PTPN23: variants seen among roughly 807,000 people sequenced by gnomAD.
The protein encoded by PTPN23 is protein tyrosine phosphatase non-receptor type 23.
A neutral mutation model predicts 156.3 loss-of-function variants in PTPN23; 72 were observed. That is an observed-to-expected ratio of 0.46 (90% CI 0.38 to 0.56). PTPN23 has a LOEUF of 0.56. PTPN23 is among the 20% of genes least tolerant of loss of function. The pLI is 0.00. For synonymous variants in PTPN23, 957 were observed against 899.6 expected (o/e 1.06, Z -1.14); for missense variants, 1,974 against 2,171.5 (o/e 0.91, Z 1.81).
rs2107723847 is a variant in PTPN23 at position 47,410,836 on chromosome 3, C to T, written c.3038C>T (p.Pro1013Leu). The T allele has an allele frequency of 1.2e-6, 2 of 1,603,718 alleles. No individual in the cohort carries two copies. The highest frequency in any genetic ancestry group is 1.7e-6 in the Non-Finnish European group (2 of 1,172,208). Residue 1013 changes from proline to leucine, a missense_variant, in exon 20 of 25, where the codon CCC (proline) becomes CTC (leucine). Transcript: ENST00000265562. ...QPGVLGQPPPPLHTQLYPGPA... is the reference protein window; with the variant it reads ...QPGVLGQPPPLLHTQLYPGPA... ...GGGGTCCTGGGGCAGCCGCCACCCC[C>T]CCTACACACCCAGCTCTACCCAGGT...
In PTPN23 at chr3:47,408,978, C is replaced by T; in HGVS notation, c.1533C>T (p.Thr511=). 1 of 1,614,174 alleles carries T rather than the reference C, an allele frequency of 6.2e-7. No homozygotes were observed. The highest frequency in any genetic ancestry group is 1.1e-5 in the South Asian group (1 of 91,092). ...AAGTCCATGAGAAGGCCTCCTTCACCAACAGTGAGCTGCACCGTGCCATGA... is the reference window on the plus strand; with the variant it reads ...AAGTCCATGAGAAGGCCTCCTTCACTAACAGTGAGCTGCACCGTGCCATGA... The part of the protein sequence containing the change: ...YMEVHEKASF[T]NSELHRAMNL... The change falls in exon 16 of 25, where the codon ACC becomes ACT. Residue 511 remains threonine (T), a synonymous_variant. Transcript: ENST00000265562.
At chr3:47,389,043 A>T (rs1323539418) in intron 1 of PTPN23, among the ~76,000 whole-genome samples, 1 of 150,338 alleles carries the variant, frequency 6.7e-6, no homozygotes, top group Non-Finnish European at 1.5e-5. Flanking sequence ...CCCCCACCCC[A>T]CTCCCACTAC....
rs1480279673 is a variant in PTPN23 at position 47,412,433 on chromosome 3, G to C, written c.4317+12G>C. 1.2e-6 allele frequency: 2 copies of C among 1,612,540 alleles called. No homozygotes were observed. Among genetic ancestry groups the C allele is most frequent in the Non-Finnish European group, 8.5e-7 (1 of 1,179,602 alleles). On this transcript the variant is annotated intron_variant, in intron 23 of 24. Coordinates refer to ENST00000265562, the MANE Select transcript of PTPN23 (RefSeq NM_015466.4). ...TGCTGCAGGAGAAGGTGAGGATCTG[G>C]GCAGATGGGGCTGGGATGGGCCTTC... is the stretch of plus-strand genomic sequence containing the variant.
chr3:47,383,136 G>T (rs1474592869), intron 1 of PTPN23, among the ~76,000 whole-genome samples: 1 of 152,132 alleles, frequency 6.6e-6, no homozygotes, highest in African/African-American at 2.4e-5. Context: ...CCCACTGTGT[G>T]CTTCATCTAC....
rs1705288912 is a variant in PTPN23 at position 47,411,501 on chromosome 3, G to A, written c.3703G>A (p.Val1235Met). Reference protein sequence around the residue: ...DVMPYDSNRVVLRSGKDDYIN... With the variant: ...DVMPYDSNRVMLRSGKDDYIN... ...CATGCCCTATGACAGTAACCGTGTG[G>A]TGCTGCGCTCAGGCAAGGATGACTA... Residue 1235 changes from valine (V) to methionine (M), a missense_variant, in exon 20 of 25, where the codon GTG (valine) becomes ATG (methionine). Physicochemically the swap from Val to Met is conservative, Grantham distance 21 (BLOSUM62 1). This residue lies in a region of PTPN23 where 33 missense variants were observed against 56.9 expected (regional missense o/e 0.58). Transcript: ENST00000265562. This position sits in a 1 kb window ranked among gnomAD's most constrained non-coding sequence, Gnocchi z 6.3. 6.2e-7 allele frequency: 1 copy of A among 1,612,982 alleles called. No homozygotes were observed. Among genetic ancestry groups the A allele is most frequent in the Admixed American group, 1.7e-5 (1 of 60,006 alleles).
chr3:47,390,673 G>A (rs1403077622), intron 1 of PTPN23, among the ~76,000 whole-genome samples: 1 of 152,100 alleles, frequency 6.6e-6, no homozygotes, highest in African/African-American at 2.4e-5. Flanking sequence ...TTTTAGTGGA[G>A]GAGTGATCAG....
rs897263794 is a variant in PTPN23, at chr3:47,407,288, C to T, written c.865-21C>T. The T allele has an allele frequency of 2.5e-6, 4 of 1,613,756 alleles. No individual in the cohort carries two copies. On this transcript the variant is annotated intron_variant, in intron 10 of 24. Transcript: ENST00000265562. The surrounding 1 kb of genome is among the most constrained non-coding windows in gnomAD (Gnocchi z 4.0). The stretch of plus-strand genomic sequence containing the variant: ...AGCCTTGGTTAGTGCTAAGGCCCCA[C>T]CCCTGTCCCTAACCCCACAGGGCCA...
chr3:47,381,942 C>A (rs951064899), intron 1 of PTPN23, among the ~76,000 whole-genome samples: 1 of 152,002 alleles, frequency 6.6e-6, no homozygotes, highest in Non-Finnish European at 1.5e-5. Context: ...ACACAGGTGC[C>A]CTCCGAGACA....
chr3:47,398,494 T>G (rs1055509932), intron 2 of PTPN23, among the ~76,000 whole-genome samples: 9 of 151,984 alleles, frequency 5.9e-5, no homozygotes, highest in South Asian at 2.1e-4. Context: ...ATTTGCTGGG[T>G]TTTTTTGTGT....
chr3:47,382,007 G>C (rs372148377), intron 1 of PTPN23, among the ~76,000 whole-genome samples: 1 of 152,150 alleles, frequency 6.6e-6, no homozygotes, highest in East Asian at 1.9e-4. Flanking sequence ...GAACAACCAG[G>C]AGGCCGTCGC....
At chr3:47,403,615 ACCTCC>A (rs1374563225) in intron 2 of PTPN23, among the ~76,000 whole-genome samples, 4 of 152,058 alleles carry the variant, frequency 2.6e-5, no homozygotes, top group African/African-American at 9.7e-5. Context: ...TGCAGCCTTA[ACCTCC>A]CAGGCTCAAT....
In PTPN23 at chr3:47,410,246, A is replaced by ACCTGGGCCTGCCCTCTACCCAGCC. The variant is rs1242367539; in HGVS notation, c.2453_2476dup (p.Gly818_Pro825dup). 1 of 1,610,584 alleles carries ACCTGGGCCTGCCCTCTACCCAGCC rather than the reference A, an allele frequency of 6.2e-7. No individual in the cohort carries two copies. Among genetic ancestry groups the ACCTGGGCCTGCCCTCTACCCAGCC allele is most frequent in the Non-Finnish European group, 8.5e-7 (1 of 1,178,624 alleles). On this transcript the variant is annotated inframe_insertion, in exon 20 of 25. Coordinates refer to ENST00000265562, the MANE Select transcript of PTPN23 (RefSeq NM_015466.4). ...CAGGGCCCCATGCAATGCCCGTAGC[A>ACCTGGGCCTGCCCTCTACCCAGCC]CCTGGGCCTGCCCTCTACCCAGCCC...
Position 47,409,169 on chromosome 3 carries a change from A to G in PTPN23, c.1649A>G (p.Lys550Arg). 2 of 1,613,828 alleles carry G rather than the reference A, an allele frequency of 1.2e-6. No individual in the cohort carries two copies. The highest frequency in any genetic ancestry group is 1.7e-6 in the Non-Finnish European group (2 of 1,179,820). ...LPTPALSPEDKAVLQNLKRIL... is the reference protein window; with the variant it reads ...LPTPALSPEDRAVLQNLKRIL... ...TGACCACTGCTGCCCACAGAGGACA[A>G]GGCCGTGCTGCAAAACCTAAAGCGC... The change falls in exon 17 of 25, where the codon AAG becomes AGG. Residue 550 changes from lysine to arginine, a missense_variant. This residue lies in a region of PTPN23 where 726 missense variants were observed against 929.5 expected (regional missense o/e 0.78). Transcript: ENST00000265562.
In PTPN23 at chr3:47,411,621, C is replaced by T; in HGVS notation, c.3823C>T (p.Leu1275Phe). ...PLPGTAADFW[L>F]MVHEQKVSVI... Reference sequence around the variant, plus strand: ...GCCTGGCACAGCTGCTGACTTCTGGCTCATGGTCCATGAGCAGAAAGTGTC... The same window carrying T: ...GCCTGGCACAGCTGCTGACTTCTGGTTCATGGTCCATGAGCAGAAAGTGTC... Residue 1275 changes from leucine (L) to phenylalanine (F), a missense_variant, in exon 20 of 25, where the codon CTC becomes TTC. Leu to Phe is a conservative substitution (Grantham distance 22). Around this residue, in one of 4 missense-constraint regions of PTPN23, gnomAD observed 484 missense variants for 516.0 expected, o/e 0.94. Coordinates refer to ENST00000265562, the MANE Select transcript of PTPN23 (RefSeq NM_015466.4). The surrounding 1 kb of genome is among the most constrained non-coding windows in gnomAD (Gnocchi z 6.3). 1.2e-6 allele frequency: 2 copies of T among 1,611,918 alleles called. No homozygotes were observed. Among genetic ancestry groups the T allele is most frequent in the Non-Finnish European group, 8.5e-7 (1 of 1,179,694 alleles).
intron 1 of PTPN23, among the ~76,000 whole-genome samples, chr3:47,384,350 C>G (rs886711051): frequency 2.2e-5 from 3 of 138,956 alleles, no homozygotes; most frequent in African/African-American, 8.1e-5. Flanking sequence ...TGCCTGTAGT[C>G]GGGAGGCTGA....
Position 47,381,124 on chromosome 3 carries a change from A to T in PTPN23, c.28A>T (p.Ile10Phe). The T allele has an allele frequency of 6.3e-7, 1 of 1,588,878 alleles. No homozygotes were observed. The highest frequency in any genetic ancestry group is 8.6e-7 in the Non-Finnish European group (1 of 1,168,442). The change falls in exon 1 of 25, where the codon ATC becomes TTC. Residue 10 changes from isoleucine (I) to phenylalanine (F), a missense_variant. By Grantham distance (21) the Ile-to-Phe change is conservative. This residue lies in a region of PTPN23 where 726 missense variants were observed against 929.5 expected (regional missense o/e 0.78). Coordinates refer to ENST00000265562, the MANE Select transcript of PTPN23 (RefSeq NM_015466.4). MEAVPRMPM[I>F]WLDLKEAGDF... Reference sequence around the variant, plus strand: ...GGAGGCCGTGCCCCGCATGCCCATGATCTGGCTGGACCTGAAGGAGGCCGG... The same window carrying T: ...GGAGGCCGTGCCCCGCATGCCCATGTTCTGGCTGGACCTGAAGGAGGCCGG...
At position 47,413,114 on chromosome 3, in the gene PTPN23, C is replaced by G; in HGVS notation, c.4840C>G (p.Leu1614Val). ...NFLQAHNGQG[L>V]RATRPSDDPL... ...TCTGCAGGCCCATAACGGGCAAGGG[C>G]TGCGGGCCACCCGGCCCTCTGACGA... is the stretch of plus-strand genomic sequence containing the variant. Residue 1614 changes from leucine (L) to valine (V), a missense_variant, in exon 25 of 25, where the codon CTG becomes GTG. This residue lies in a region of PTPN23 where 484 missense variants were observed against 516.0 expected (regional missense o/e 0.94). Transcript: ENST00000265562. 6.2e-7 allele frequency: 1 copy of G among 1,612,886 alleles called. No homozygotes were observed. The highest frequency in any genetic ancestry group is 1.1e-5 in the South Asian group (1 of 91,086).
Position 47,381,043 on chromosome 3 carries a change from C to T in PTPN23, c.-54C>T. The T allele has an allele frequency of 1.3e-6, 2 of 1,550,050 alleles. No homozygotes were observed. The highest frequency in any genetic ancestry group is 1.7e-6 in the Non-Finnish European group (2 of 1,146,772). On this transcript the variant is annotated 5_prime_UTR_variant, in exon 1 of 25. Transcript: ENST00000265562. ...GGCGGGGCTGGGCTCGTGGCTGAGC[C>T]AGCAGCTGCAGCAGCTACGGGAGTG...
At position 47,381,121 on chromosome 3, in the gene PTPN23, A is replaced by C; in HGVS notation, c.25A>C (p.Met9Leu). Reference protein sequence around the residue: MEAVPRMPMIWLDLKEAGD... With the variant: MEAVPRMPLIWLDLKEAGD... ...CATGGAGGCCGTGCCCCGCATGCCC[A>C]TGATCTGGCTGGACCTGAAGGAGGC... is the stretch of plus-strand genomic sequence containing the variant. The change falls in exon 1 of 25, where the codon ATG becomes CTG. Residue 9 changes from methionine to leucine, a missense_variant. Transcript: ENST00000265562. 1 of 1,587,652 alleles carries C rather than the reference A, an allele frequency of 6.3e-7. No individual in the cohort carries two copies. Among genetic ancestry groups the C allele is most frequent in the Non-Finnish European group, 8.6e-7 (1 of 1,167,830 alleles).
Sources: allele counts gnomAD v4.1 joint callset (sites outside exome capture counted in the v4.1 genomes callset), GRCh38; gene constraint gnomAD v4.1.1; regional missense constraint gnomAD v4.1.1; non-coding constraint Gnocchi (gnomAD v3.1); transcripts MANE v1.5; gene names NCBI Gene and HGNC (gene_info 2026-07-23, HGNC 2026-07-21).